The following PTPRB variants were observed in gnomAD, a reference collection of about 807,000 sequenced individuals.
PTPRB encodes receptor-type tyrosine-protein phosphatase beta.
In PTPRB, 97 loss-of-function variants were observed where a neutral mutation model predicts 238.1. The ratio of observed to expected loss-of-function variants is 0.41; its 90% confidence interval spans 0.35 to 0.48. The LOEUF (loss-of-function observed/expected upper bound fraction) is 0.48. Among genes scored for constraint, PTPRB ranks in the 20% least tolerant of loss-of-function variants. The pLI is 0.30. For synonymous variants in PTPRB, 970 were observed against 995.4 expected, an observed-to-expected ratio of 0.97 and a Z score of 0.48; for missense variants, 2,292 against 2,681.9, an observed-to-expected ratio of 0.85 and a Z score of 3.21.
At chr12:70,566,404 G>A (rs1255058149) in intron 15 of PTPRB, 31 bp downstream of exon 15, 1 of 1,603,992 alleles carries the variant, frequency 6.2e-7, no homozygotes. Context: ...TTGGCAATAT[G>A]TGCTACAAAA....
intron 11 of PTPRB, among the ~76,000 whole-genome samples, chr12:70,575,309 C>T (rs2136394828): frequency 6.6e-6 from 1 of 152,164 alleles, no homozygotes; most frequent in East Asian, 1.9e-4. Context: ...CCTTCAATGT[C>T]AGCATCCTGT....
At position 70,609,210 on chromosome 12, in the gene PTPRB, T is replaced by C; in HGVS notation, c.838A>G (p.Thr280Ala). ...CNFSLIYSSD[T>A]LGAALCPTFR... ...GTAGGGCACAACGCGGCCCCCAGGG[T>C]GTCACTGCTATAGATGAGGCTAAAG... is the stretch of plus-strand genomic sequence containing the variant. Residue 280 changes from threonine to alanine, a missense_variant, in exon 4 of 34, where the codon ACC becomes GCC. Physicochemically the swap from Thr to Ala is moderately conservative, Grantham distance 58. Transcript: ENST00000334414. 1 of 1,614,032 alleles carries C rather than the reference T, an allele frequency of 6.2e-7. No homozygotes were observed. Among genetic ancestry groups the C allele is most frequent in the Non-Finnish European group, 8.5e-7 (1 of 1,179,894 alleles).
Position 70,525,003 on chromosome 12 carries a change from A to AT in PTPRB, c.6505-413_6505-412insA, listed in dbSNP as rs1565897537. On this transcript the variant is annotated intron_variant, in intron 32 of 33. Transcript: ENST00000334414. ...TGTGTGTGTGTGTATATATATATAT[A>AT]AAATATTCTGTGAGAGCCTACAACT... Among the ~76,000 whole-genome samples, 652 of 151,060 alleles carry AT rather than the reference A, an allele frequency of 4.3e-3. 9 individuals carry two copies. Among genetic ancestry groups the AT allele is most frequent in the African/African-American group, 0.015 (601 of 41,018 alleles).
Position 70,520,531 on chromosome 12 carries a change from A to G in PTPRB, c.*958T>C, listed in dbSNP as rs977904052. On this transcript the variant is annotated 3_prime_UTR_variant, in exon 34 of 34. Coordinates refer to ENST00000334414, the MANE Select transcript of PTPRB (RefSeq NM_001109754.4). ...CAATCTGCTACCATAATATTCTTTTAATGGGAAATCAAGTAGGAATGGATA... is the reference window on the plus strand; with the variant it reads ...CAATCTGCTACCATAATATTCTTTTGATGGGAAATCAAGTAGGAATGGATA... The G allele has an allele frequency of 2.0e-5, 4 of 197,158 alleles. No homozygotes were observed. Among genetic ancestry groups the G allele is most frequent in the Non-Finnish European group, 4.2e-5 (4 of 95,784 alleles). 12.2% of individuals were successfully genotyped at this position (197,158 alleles called of 1,614,324 possible). A position where few individuals can be genotyped will look rare whatever the true frequency, so the allele number is the denominator to read the frequency against.
At chr12:70,543,758 CA>C (rs1875533095) in intron 22 of PTPRB, among the ~76,000 whole-genome samples, 1 of 152,152 alleles carries the variant, frequency 6.6e-6, no homozygotes, top group African/African-American at 2.4e-5. Context: ...TGGAAGTATT[CA>C]GAGACAGGGC....
chr12:70,519,140 A>T lies in PTPRB; in HGVS notation c.*2349T>A, dbSNP rs1055652243. On this transcript the variant is annotated 3_prime_UTR_variant, in exon 34 of 34. Coordinates refer to ENST00000334414, the MANE Select transcript of PTPRB (RefSeq NM_001109754.4). ...TTTCCTGGGTTGGATTAGACTAAAA[A>T]AACCTACGATTTTTCCCTGTCATGT... The T allele has an allele frequency of 1.3e-5, 2 of 152,218 alleles. No individual in the cohort carries two copies. Among genetic ancestry groups the T allele is most frequent in the African/African-American group, 4.8e-5 (2 of 41,464 alleles). The allele number at this position is 152,218 out of a possible 1,614,324, so 9.4% of individuals were successfully genotyped here.
intron 32 of PTPRB, among the ~76,000 whole-genome samples, chr12:70,529,591 C>T (rs560200651): frequency 1.4e-4 from 21 of 152,104 alleles, no homozygotes; most frequent in African/African-American, 5.1e-4. Flanking sequence ...CAGGCTCCCA[C>T]CCTCTAGGAA....
Position 70,555,958 on chromosome 12 carries a change from G to A in PTPRB, c.4905C>T (p.Pro1635=). 1 of 1,613,820 alleles carries A rather than the reference G, an allele frequency of 6.2e-7. No homozygotes were observed. Among genetic ancestry groups the A allele is most frequent in the Non-Finnish European group, 8.5e-7 (1 of 1,179,860 alleles). ...TGATGGACACCAGGTACCTCTTATGGGGCACTAGCATCATGATGTTGAGCA... is the reference window on the plus strand; with the variant it reads ...TGATGGACACCAGGTACCTCTTATGAGGCACTAGCATCATGATGTTGAGCA... ...KSLLNIMMLV[P]HKRYLVSIKV... is the part of the protein sequence containing the mutation. Residue 1635 remains proline, a synonymous_variant, in exon 19 of 34, where the codon CCC becomes CCT. Coordinates refer to ENST00000334414, the MANE Select transcript of PTPRB (RefSeq NM_001109754.4).
At chr12:70,626,438 GGCTCTTTGTATCT>G (rs1315403474) in intron 2 of PTPRB, among the ~76,000 whole-genome samples, 2 of 148,940 alleles carry the variant, frequency 1.3e-5, no homozygotes, top group African/African-American at 5.0e-5. Flanking sequence ...CTATCTAGTT[GGCTCTTTGTATCT>G]GCGGGTTCCT....
intron 16 of PTPRB, among the ~76,000 whole-genome samples, chr12:70,562,185 G>A (rs1878576180): frequency 6.6e-6 from 1 of 152,172 alleles, no homozygotes; most frequent in South Asian, 2.1e-4. Context: ...TCGGGAGGCT[G>A]AAGCAAGAGG....
intron 28 of PTPRB, among the ~76,000 whole-genome samples, 164 bp from the exon 29 acceptor site, chr12:70,536,323 G>T (rs749826663): frequency 5.9e-5 from 9 of 152,194 alleles, no homozygotes; most frequent in Non-Finnish European, 1.2e-4. Flanking sequence ...AAGGACAAAG[G>T]TCAGAACATT....
intron 4 of PTPRB, among the ~76,000 whole-genome samples, chr12:70,607,742 G>A (rs978060412): frequency 2.6e-5 from 4 of 151,726 alleles, no homozygotes; most frequent in African/African-American, 9.7e-5. Context: ...TAGTAGAGAC[G>A]AGGTTTTGCC....
chr12:70,572,161 G>GAAAAA, intron 11 of PTPRB, 74 bp from the exon 12 acceptor site: 1 of 1,392,314 alleles, frequency 7.2e-7, no homozygotes, highest in Admixed American at 2.1e-5. Context: ...GACAAGCTGG[G>GAAAAA]ACAATAAAAA....
chr12:70,609,267 T>G lies in PTPRB; in HGVS notation c.781A>C (p.Ile261Leu), dbSNP rs1404084963. The change falls in exon 4 of 34, where the codon ATC becomes CTC. Residue 261 changes from isoleucine (I) to leucine (L), a missense_variant. Transcript: ENST00000334414. ...ESKASSHSVS[I>L]QWRILGSPCN... ...GGTGAGCCCAAAATTCTCCACTGGATAGACACAGAATGGCTGGAGGCCTTG... is the reference window on the plus strand; with the variant it reads ...GGTGAGCCCAAAATTCTCCACTGGAGAGACACAGAATGGCTGGAGGCCTTG... 8 of 1,613,904 alleles carry G rather than the reference T, an allele frequency of 5.0e-6. No individual in the cohort carries two copies. In the African/African-American group the frequency reaches 9.3e-5, roughly 19 times the overall value.
chr12:70,553,013 A>T lies in PTPRB; in HGVS notation c.5151T>A (p.Asp1717Glu), dbSNP rs1331555524. Residue 1717 changes from aspartate to glutamate, a missense_variant, in exon 21 of 34, where the codon GAT becomes GAA. Physicochemically the swap from Asp to Glu is conservative, Grantham distance 45. Coordinates refer to ENST00000334414, the MANE Select transcript of PTPRB (RefSeq NM_001109754.4). ...TVVVREADGSDELKPEQQHPL... is the reference protein window; with the variant it reads ...TVVVREADGSEELKPEQQHPL... ...GGTGCTGCTGTTCTGGCTTCAGCTC[A>T]TCACTGCCTGGAGGAGAAAACCCAC... 1 of 1,613,614 alleles carries T rather than the reference A, an allele frequency of 6.2e-7. No individual in the cohort carries two copies. Among genetic ancestry groups the T allele is most frequent in the Non-Finnish European group, 8.5e-7 (1 of 1,179,590 alleles).
chr12:70,578,683 TTAAAG>T (rs1457177044), intron 10 of PTPRB, among the ~76,000 whole-genome samples: 2 of 152,192 alleles, frequency 1.3e-5, no homozygotes, highest in African/African-American at 2.4e-5. Context: ...TCCCACTTAC[TTAAAG>T]TACACAGTTA....
At chr12:70,585,847 C>A (rs1881853956) in intron 9 of PTPRB, among the ~76,000 whole-genome samples, 2 of 151,608 alleles carry the variant, frequency 1.3e-5, no homozygotes, top group Admixed American at 1.3e-4. Context: ...CACTCTGTGT[C>A]CAAGTGTTCT....
At chr12:70,626,000 CT>C (rs1425432997) in intron 2 of PTPRB, among the ~76,000 whole-genome samples, 1 of 151,992 alleles carries the variant, frequency 6.6e-6, no homozygotes, top group East Asian at 1.9e-4. Context: ...TGTATTTTAT[CT>C]TATAAATTCA....
At position 70,516,384 on chromosome 12, in the gene PTPRB, T is replaced by C. The variant is rs2136180906; in HGVS notation, c.*5105A>G. The C allele has an allele frequency of 6.6e-6, 1 of 152,306 alleles. No homozygotes were observed. Among genetic ancestry groups the C allele is most frequent in the East Asian group, 1.9e-4 (1 of 5,184 alleles). The allele number at this position is 152,306 out of a possible 1,614,324, so 9.4% of individuals were successfully genotyped here. A position where few individuals can be genotyped will look rare whatever the true frequency, so the allele number is the denominator to read the frequency against. On this transcript the variant is annotated 3_prime_UTR_variant, in exon 34 of 34. Coordinates refer to ENST00000334414, the MANE Select transcript of PTPRB (RefSeq NM_001109754.4). ...ACTTGGTCCTTGTTCTTGAGGAATT[T>C]ATAAGCCCAATAGTCCTGCATAGAA...
Sources: gnomAD v4.1 joint callset for allele counts (sites outside exome capture counted in the v4.1 genomes callset) on GRCh38, gnomAD v4.1.1 for gene constraint, MANE v1.5 for transcripts, NCBI Gene and HGNC (gene_info 2026-07-23, HGNC 2026-07-21) for gene names.